MAGEC3: variants seen among roughly 807,000 people sequenced by gnomAD.
MAGEC3 encodes the protein melanoma-associated antigen C3.
In MAGEC3, 34 loss-of-function variants were observed where a neutral mutation model predicts 35.3. That is an observed-to-expected ratio of 0.96 (90% CI 0.73 to 1.28). The LOEUF (loss-of-function observed/expected upper bound fraction) is 1.28. MAGEC3 is among the 50% of genes most tolerant of loss of function. The pLI is 0.00. For synonymous variants in MAGEC3, 202 were observed against 185.6 expected, an observed-to-expected ratio of 1.09 and a Z score of -0.72; for missense variants, 561 against 483.6, an observed-to-expected ratio of 1.16 and a Z score of -1.50.
chrX:141,838,351 CTTCAGTGATGGCAG>C lies in MAGEC3; in HGVS notation c.38_51del (p.Phe13SerfsTer32). 2 of 1,211,075 alleles carry C rather than the reference CTTCAGTGATGGCAG, an allele frequency of 1.7e-6. No individual in the cohort carries two copies. The highest frequency in any genetic ancestry group is 2.2e-6 in the Non-Finnish European group (2 of 894,872). ...CCTGCCACTGGGTGTTGGATGCCAC[CTTCAGTGATGGCAG>C]TCTAGGCCAGTGGGTGAAAAACACA... On this transcript the variant is annotated frameshift_variant, in exon 1 of 8. Transcript: ENST00000298296. LOFTEE classifies it high-confidence loss of function.
chrX:141,882,165 A>G (rs1466749053), intron 4 of MAGEC3, among the ~76,000 whole-genome samples: 1 of 111,519 alleles, frequency 9.0e-6, no homozygotes, highest in African/African-American at 3.3e-5. Context: ...GCCGTTTCTT[A>G]CGTCTGTGTT....
intron 4 of MAGEC3, among the ~76,000 whole-genome samples, chrX:141,891,740 T>TAAA (rs2018044665): frequency 9.4e-6 from 1 of 106,055 alleles, no homozygotes; most frequent in African/African-American, 3.4e-5. Context: ...TATGCATATA[T>TAAA]TTATATATGT....
intron 2 of MAGEC3, among the ~76,000 whole-genome samples, chrX:141,870,276 T>C (rs77050278): frequency 0.064 from 7,152 of 111,366 alleles, 280 homozygotes; most frequent in East Asian, 0.32. Flanking sequence ...AACGTTAACC[T>C]GAATTTTAAT....
chrX:141,865,736 C>T, intron 2 of MAGEC3, 131 bp downstream of exon 2: 1 of 710,207 alleles, frequency 1.4e-6, no homozygotes, highest in Non-Finnish European at 2.0e-6. Flanking sequence ...CCGTAGACTT[C>T]ATTTTTGGGG....
chrX:141,893,562 C>T (rs539790448), intron 4 of MAGEC3, among the ~76,000 whole-genome samples: 1 of 109,374 alleles, frequency 9.1e-6, no homozygotes, highest in South Asian at 4.0e-4. Context: ...TGGACTTGAC[C>T]TAATAATGAG....
At chrX:141,848,336 C>T (rs1233987916) in intron 1 of MAGEC3, among the ~76,000 whole-genome samples, 1 of 109,938 alleles carries the variant, frequency 9.1e-6, no homozygotes, top group East Asian at 2.9e-4. Flanking sequence ...AGAAGTCAAC[C>T]TATCTATCTT....
At chrX:141,844,655 C>T (rs1222013261) in intron 1 of MAGEC3, among the ~76,000 whole-genome samples, 5 of 111,316 alleles carry the variant, frequency 4.5e-5, no homozygotes, top group South Asian at 7.4e-4. Flanking sequence ...CAATACACCA[C>T]ATCTTTTAAT....
intron 1 of MAGEC3, among the ~76,000 whole-genome samples, chrX:141,856,825 T>G (rs1428218060): frequency 8.9e-6 from 1 of 112,203 alleles, no homozygotes; most frequent in Non-Finnish European, 1.9e-5. Flanking sequence ...ATACTGCATG[T>G]TCTCACACAT....
rs1487185547 is a variant in MAGEC3, at chrX:141,894,692, A to C, written c.910-577A>C. 4 of 970,201 alleles carry C rather than the reference A, an allele frequency of 4.1e-6. No individual in the cohort carries two copies. In the East Asian group the frequency reaches 3.0e-4, roughly 73 times the overall value. The allele number at this position is 970,201 out of a possible 1,213,427, so 80.0% of individuals were successfully genotyped here. On this transcript the variant is annotated intron_variant, in intron 4 of 7. Coordinates refer to ENST00000298296, the MANE Select transcript of MAGEC3 (RefSeq NM_138702.1). ...AAAGGAGCCCCGGGGCTGGCCAACA[A>C]GCAAGAAGGGAACTCTGTGGAAGGA...
intron 3 of MAGEC3, among the ~76,000 whole-genome samples, chrX:141,879,843 G>C (rs1009816838): frequency 9.0e-6 from 1 of 111,175 alleles, no homozygotes; most frequent in African/African-American, 3.3e-5. Context: ...ATTGTAGGTC[G>C]CAGACAGGAA....
chrX:141,856,275 A>G (rs2017780044), intron 1 of MAGEC3, among the ~76,000 whole-genome samples: 1 of 111,505 alleles, frequency 9.0e-6, no homozygotes, highest in South Asian at 3.8e-4. Flanking sequence ...ACCACATGTG[A>G]GGCGAATTTA....
Position 141,879,491 on chromosome X carries a change from G to A in MAGEC3, c.515+60G>A, listed in dbSNP as rs2017945447. The A allele has an allele frequency of 1.2e-5, 13 of 1,106,075 alleles. No individual in the cohort carries two copies. In the South Asian group the frequency reaches 1.6e-4, roughly 14 times the overall value. The allele number at this position is 1,106,075 out of a possible 1,213,427, so 91.2% of individuals were successfully genotyped here. ...GAGGAGGAAAAGGTGGAGGGATACCGAGAGGTGGGCAGGAAGGGGTGGAAA... is the reference window on the plus strand; with the variant it reads ...GAGGAGGAAAAGGTGGAGGGATACCAAGAGGTGGGCAGGAAGGGGTGGAAA... On this transcript the variant is annotated intron_variant, in intron 3 of 7. Transcript: ENST00000298296.
At chrX:141,858,997 G>A (rs1320940406) in intron 1 of MAGEC3, among the ~76,000 whole-genome samples, 2 of 109,812 alleles carry the variant, frequency 1.8e-5, no homozygotes, top group Non-Finnish European at 3.8e-5. Context: ...TATTTTAATA[G>A]CTATATAATA....
At chrX:141,857,151 C>A (rs1329622895) in intron 1 of MAGEC3, among the ~76,000 whole-genome samples, 1 of 109,450 alleles carries the variant, frequency 9.1e-6, no homozygotes, top group Non-Finnish European at 1.9e-5. Context: ...GTTAAGAACT[C>A]TTGGACTAAA....
At chrX:141,855,583 C>A (rs2017776027) in intron 1 of MAGEC3, among the ~76,000 whole-genome samples, 1 of 110,860 alleles carries the variant, frequency 9.0e-6, no homozygotes, top group South Asian at 3.7e-4. Context: ...AAAATCAATA[C>A]CTAACTGAAA....
intron 2 of MAGEC3, among the ~76,000 whole-genome samples, chrX:141,876,490 A>G (rs1449943483): frequency 9.0e-6 from 1 of 111,664 alleles, no homozygotes; most frequent in Non-Finnish European, 1.9e-5. Flanking sequence ...TTTGACTCTT[A>G]TCTTACTTCT....
At chrX:141,861,771 CA>C (rs2017816655) in intron 1 of MAGEC3, among the ~76,000 whole-genome samples, 1 of 111,367 alleles carries the variant, frequency 9.0e-6, no homozygotes, top group African/African-American at 3.3e-5. Context: ...ATACAAAAAT[CA>C]ACTTGAGATA....
intron 1 of MAGEC3, among the ~76,000 whole-genome samples, chrX:141,848,261 G>T (rs183296511): frequency 2.8e-5 from 3 of 108,485 alleles, no homozygotes; most frequent in Non-Finnish European, 3.9e-5. Context: ...ACATATTACC[G>T]AAAGTCTTAG....
intron 4 of MAGEC3, among the ~76,000 whole-genome samples, chrX:141,882,457 A>T (rs1255083644): frequency 8.9e-6 from 1 of 111,920 alleles, no homozygotes; most frequent in Non-Finnish European, 1.9e-5. Context: ...TTATTTTGTG[A>T]TCTATAACAG....
Sources: gnomAD v4.1 joint callset for allele counts (sites outside exome capture counted in the v4.1 genomes callset) on GRCh38, gnomAD v4.1.1 for gene constraint, MANE v1.5 for transcripts, NCBI Gene and HGNC (gene_info 2026-07-23, HGNC 2026-07-21) for gene names.